FNBP1L: variants seen among roughly 807,000 people sequenced by gnomAD.
FNBP1L encodes the protein formin binding protein 1 like.
Under a neutral mutation model 91.2 loss-of-function variants are expected in FNBP1L, and 36 were observed. The ratio of observed to expected loss-of-function variants is 0.39; its 90% CI spans 0.30 to 0.52. The LOEUF (loss-of-function observed/expected upper bound fraction) is 0.52. FNBP1L is among the 20% of genes least tolerant of loss of function. The pLI is 0.66. For synonymous variants in FNBP1L, 242 were observed against 237.0 expected (o/e 1.02, Z -0.19); for missense variants, 571 against 732.1 (o/e 0.78, Z 2.54).
chr1:93,528,846 A>T (rs1671579322), intron 5 of FNBP1L, among the ~76,000 whole-genome samples: 1 of 152,294 alleles, frequency 6.6e-6, no homozygotes, highest in African/African-American at 2.4e-5. Context: ...TGAATTATGC[A>T]TTGGAAACTA....
At chr1:93,495,442 G>A (rs532013948) in intron 1 of FNBP1L, among the ~76,000 whole-genome samples, 2 of 152,030 alleles carry the variant, frequency 1.3e-5, no homozygotes, top group Non-Finnish European at 2.9e-5. Context: ...GAATAAGGTT[G>A]GAATTTATTC....
rs1473215879 is a variant in FNBP1L, at chr1:93,547,376, A to AGGT, written c.1440_1442dup (p.Gly481dup). 3 of 1,562,120 alleles carry AGGT rather than the reference A, an allele frequency of 1.9e-6. No individual in the cohort carries two copies. Among genetic ancestry groups the AGGT allele is most frequent in the Non-Finnish European group, 2.6e-6 (3 of 1,152,368 alleles). On this transcript the variant is annotated inframe_insertion, in exon 14 of 17. Coordinates refer to ENST00000271234, the MANE Select transcript of FNBP1L (RefSeq NM_001164473.3). Reference sequence around the variant, plus strand: ...GGCTCTCTGAAGTCGAAGGCAAAACAGGTGGGAGAGGAGACAGAAGACATA... The same window carrying AGGT: ...GGCTCTCTGAAGTCGAAGGCAAAACAGGTGGTGGGAGAGGAGACAGAAGACATA...
chr1:93,518,223 A>G (rs1285940923), intron 2 of FNBP1L, among the ~76,000 whole-genome samples: 1 of 152,158 alleles, frequency 6.6e-6, no homozygotes, highest in Non-Finnish European at 1.5e-5. Flanking sequence ...GCTTCACGTA[A>G]TAGAGTCATT....
At position 93,529,696 on chromosome 1, in the gene FNBP1L, A is replaced by C; in HGVS notation, c.450A>C (p.Ala150=). 6.6e-7 allele frequency: 1 copy of C among 1,522,902 alleles called. No individual in the cohort carries two copies. 94.3% of individuals were successfully genotyped at this position (1,522,902 alleles called of 1,614,324 possible). The change falls in exon 6 of 17, where the codon GCA becomes GCC. Residue 150 remains alanine (A), a synonymous_variant. Transcript: ENST00000271234. ...FERECREAEK[A]QQSYERLDND... The stretch of plus-strand genomic sequence containing the variant: ...GAGAATGTAGAGAGGCAGAAAAGGC[A>C]CAACAGAGTTATGAAAGATTGGATA...
chr1:93,489,363 G>T (rs1327414415), intron 1 of FNBP1L, among the ~76,000 whole-genome samples: 1 of 152,034 alleles, frequency 6.6e-6, no homozygotes, highest in African/African-American at 2.4e-5. Flanking sequence ...TGTTGGACTT[G>T]GGGTATTTCA....
intron 15 of FNBP1L, among the ~76,000 whole-genome samples, chr1:93,550,527 A>T (rs1672373878): frequency 6.6e-6 from 1 of 151,560 alleles, no homozygotes; most frequent in Non-Finnish European, 1.5e-5. Flanking sequence ...CTCCCTTCAG[A>T]CTCTCTTTTT....
chr1:93,513,301 C>T (rs534849609), intron 2 of FNBP1L, among the ~76,000 whole-genome samples: 176 of 151,534 alleles, frequency 1.2e-3, no homozygotes, highest in African/African-American at 4.0e-3. Context: ...AAAAAGAGTC[C>T]AGGACCAGAT....
chr1:93,480,517 C>G (rs1309397770), intron 1 of FNBP1L, among the ~76,000 whole-genome samples: 1 of 152,114 alleles, frequency 6.6e-6, no homozygotes, highest in African/African-American at 2.4e-5. Context: ...TGCTTCCCTT[C>G]AAGTGTCTTC....
intron 1 of FNBP1L, among the ~76,000 whole-genome samples, chr1:93,480,755 G>A (rs1669674563): frequency 6.6e-6 from 1 of 152,024 alleles, no homozygotes; most frequent in Non-Finnish European, 1.5e-5. Context: ...GTAGAGACGG[G>A]GTTTCACCGT....
chr1:93,506,942 A>G (rs955535316), intron 2 of FNBP1L, among the ~76,000 whole-genome samples: 2 of 152,102 alleles, frequency 1.3e-5, no homozygotes, highest in Admixed American at 6.6e-5. Context: ...ATAGACTACT[A>G]TAATCTTTAG....
chr1:93,524,250 A>G lies in FNBP1L; in HGVS notation c.343-11A>G, dbSNP rs1570844268. On this transcript the variant is annotated splice_polypyrimidine_tract_variant and intron_variant, in intron 4 of 16. Transcript: ENST00000271234. ...ATTTTTATTTTTTTTGGCCGTGGTT[A>G]TAATCTTCAGCATCTGCAAGAAGGA... The G allele has an allele frequency of 1.4e-6, 2 of 1,472,202 alleles. No individual in the cohort carries two copies. The highest frequency in any genetic ancestry group is 1.8e-4 in the Middle Eastern group (1 of 5,654). The allele number at this position is 1,472,202 out of a possible 1,614,324, so 91.2% of individuals were successfully genotyped here. A position where few individuals can be genotyped will look rare whatever the true frequency, so the allele number is the denominator to read the frequency against.
At chr1:93,450,315 C>T (rs1668450369) in intron 1 of FNBP1L, among the ~76,000 whole-genome samples, 1 of 152,100 alleles carries the variant, frequency 6.6e-6, no homozygotes, top group African/African-American at 2.4e-5. Context: ...TTTGTTCTAA[C>T]TAAAATTTGC....
chr1:93,479,722 T>TA (rs368937781), intron 1 of FNBP1L, among the ~76,000 whole-genome samples: 8 of 152,158 alleles, frequency 5.3e-5, no homozygotes, highest in African/African-American at 1.7e-4. Flanking sequence ...AGAAGAAAAA[T>TA]ATGGCTCTAT....
chr1:93,455,965 G>A (rs996353716), intron 1 of FNBP1L, among the ~76,000 whole-genome samples: 5 of 152,068 alleles, frequency 3.3e-5, no homozygotes, highest in South Asian at 2.1e-4. Context: ...GGATGCCGTC[G>A]GGCATTGTGA....
At chr1:93,552,311 T>TA (rs1213580587) in intron 16 of FNBP1L, 98 bp from the exon 17 acceptor site, 29 of 1,505,740 alleles carry the variant, frequency 1.9e-5, no homozygotes, top group Non-Finnish European at 2.6e-5. Flanking sequence ...TATAAAATGA[T>TA]AGAGACATTT....
rs550703549 is a variant in FNBP1L at position 93,513,045 on chromosome 1, G to C, written c.141-9037G>C. On this transcript the variant is annotated intron_variant, in intron 2 of 16. Transcript: ENST00000271234. The stretch of plus-strand genomic sequence containing the variant: ...CACTAGCAAGACTAATAAAAAAAGA[G>C]AGAAGAATCAAATAGACGCAATAAA... Among the ~76,000 whole-genome samples the C allele has an allele frequency of 3.9e-5, 6 of 152,134 alleles. No individual in the cohort carries two copies. In the South Asian group the frequency reaches 1.2e-3, roughly 32 times the overall value.
At chr1:93,499,935 T>C (rs1340504031) in intron 2 of FNBP1L, among the ~76,000 whole-genome samples, 1 of 152,230 alleles carries the variant, frequency 6.6e-6, no homozygotes, top group East Asian at 1.9e-4. Context: ...ATTGAATATT[T>C]CTTCAGAGTT....
Position 93,551,082 on chromosome 1 carries a change from T to C in FNBP1L, c.1787T>C (p.Val596Ala), listed in dbSNP as rs779246551. ...TACGTTCCCACGTCATACATAGATG[T>C]AACTCTAGAGAAAAACAGTAAAGGT... ...EGYVPTSYID[V>A]TLEKNSKGS Residue 596 changes from valine (V) to alanine (A), a missense_variant, in exon 16 of 17, where the codon GTA becomes GCA. By Grantham distance (64) the Val-to-Ala change is moderately conservative. Around this residue, in one of 5 missense-constraint regions of FNBP1L, gnomAD observed 189 missense variants for 219.7 expected, o/e 0.86. Coordinates refer to ENST00000271234, the MANE Select transcript of FNBP1L (RefSeq NM_001164473.3). The C allele has an allele frequency of 6.2e-7, 1 of 1,610,058 alleles. No individual in the cohort carries two copies. The highest frequency in any genetic ancestry group is 2.2e-5 in the East Asian group (1 of 44,850).
At chr1:93,450,482 TTAGA>T (rs755801227) in intron 1 of FNBP1L, among the ~76,000 whole-genome samples, 46 of 152,312 alleles carry the variant, frequency 3.0e-4, no homozygotes, top group Non-Finnish European at 5.7e-4. Flanking sequence ...TGTCTGAAAC[TTAGA>T]TAAGCAGAAC....
Sources: allele counts gnomAD v4.1 joint callset (sites outside exome capture counted in the v4.1 genomes callset), GRCh38; gene constraint gnomAD v4.1.1; regional missense constraint gnomAD v4.1.1; transcripts MANE v1.5; gene names NCBI Gene and HGNC (gene_info 2026-07-23, HGNC 2026-07-21).